Variants in OPCML observed in about 807,000 individuals in gnomAD.
OPCML encodes the protein opioid-binding protein/cell adhesion molecule.
Under a neutral mutation model 37.8 loss-of-function variants are expected in OPCML, and 13 were observed. The observed-to-expected ratio is 0.34, with a 90% CI of 0.22 to 0.55. The LOEUF (loss-of-function observed/expected upper bound fraction) is 0.55, where lower values mean the gene tolerates loss of function less well. Ranked by LOEUF, OPCML falls within the 20% of genes least tolerant of loss-of-function variation. The pLI, the probability that OPCML is intolerant of heterozygous loss-of-function variation, is 0.91. For missense variants in OPCML, 341 were observed against 435.6 expected (o/e 0.78, Z 1.93); for synonymous variants, 176 against 168.8 (o/e 1.04, Z -0.33).
chr11:132,668,097 TA>T (rs1321635519), intron 2 of OPCML, among the ~76,000 whole-genome samples: 1 of 152,262 alleles, frequency 6.6e-6, no homozygotes, highest in East Asian at 1.9e-4. Flanking sequence ...GAAGTCTTAA[TA>T]AAGTCCTTGA....
intron 1 of OPCML, among the ~76,000 whole-genome samples, chr11:133,490,015 G>A (rs543485271): frequency 3.3e-5 from 5 of 152,172 alleles, no homozygotes; most frequent in Non-Finnish European, 1.5e-5. Context: ...GACCATTATC[G>A]TAAATAAAAG....
chr11:133,194,192 TCCCCTTC>T (rs1162205609), intron 1 of OPCML, among the ~76,000 whole-genome samples: 2 of 146,214 alleles, frequency 1.4e-5, no homozygotes, highest in African/African-American at 2.5e-5. Flanking sequence ...CCCTTCCCTT[TCCCCTTC>T]CCCCACTTTT....
At chr11:133,471,261 T>C (rs11223481) in intron 1 of OPCML, among the ~76,000 whole-genome samples, 55,870 of 152,130 alleles carry the variant, frequency 0.37, 15,603 homozygotes, top group African/African-American at 0.79. Flanking sequence ...AGGAAGATTT[T>C]GGAGAAACAG....
chr11:132,946,788 G>A (rs1337255984), intron 1 of OPCML, among the ~76,000 whole-genome samples: 2 of 152,160 alleles, frequency 1.3e-5, no homozygotes, highest in African/African-American at 2.4e-5. Flanking sequence ...AACCTATTTT[G>A]GGATTTCCTA....
intron 1 of OPCML, among the ~76,000 whole-genome samples, chr11:133,232,713 G>T (rs1940331669): frequency 6.6e-6 from 1 of 152,056 alleles, no homozygotes; most frequent in Non-Finnish European, 1.5e-5. Context: ...TTACTTATTA[G>T]ATTATTTTGA....
At chr11:133,118,065 A>G (rs1949363914) in intron 1 of OPCML, 5 of 646,402 alleles carry the variant, frequency 7.7e-6, no homozygotes, top group Non-Finnish European at 9.6e-6. Context: ...ACTCTTCAGA[A>G]AGAAACATGC....
chr11:133,180,233 C>G (rs979509921), intron 1 of OPCML, among the ~76,000 whole-genome samples: 7 of 152,186 alleles, frequency 4.6e-5, no homozygotes, highest in Admixed American at 3.9e-4. Flanking sequence ...TCCTTCCTGC[C>G]GTAGCGGACC....
At chr11:133,071,766 A>G (rs1948541264) in intron 1 of OPCML, among the ~76,000 whole-genome samples, 1 of 151,902 alleles carries the variant, frequency 6.6e-6, no homozygotes, top group Non-Finnish European at 1.5e-5. Context: ...TTCTCCAAAA[A>G]CAAACAAACA....
At chr11:133,344,139 G>C (rs1943941910) in intron 1 of OPCML, among the ~76,000 whole-genome samples, 1 of 152,182 alleles carries the variant, frequency 6.6e-6, no homozygotes, top group African/African-American at 2.4e-5. Flanking sequence ...CGGGCAATCA[G>C]CGTGCTCCCT....
chr11:132,471,983 T>C (rs2096139423), intron 4 of OPCML, among the ~76,000 whole-genome samples: 1 of 152,152 alleles, frequency 6.6e-6, no homozygotes, highest in African/African-American at 2.4e-5. Context: ...GCAGCAGGCC[T>C]ACATCATGAA....
chr11:132,444,298 C>A (rs147438575), intron 4 of OPCML, among the ~76,000 whole-genome samples: 1 of 152,284 alleles, frequency 6.6e-6, no homozygotes, highest in Non-Finnish European at 1.5e-5. Flanking sequence ...CTCTAGAAAC[C>A]TGTGAGGGTT....
chr11:132,550,900 T>C (rs1460738906), intron 3 of OPCML, among the ~76,000 whole-genome samples: 1 of 152,226 alleles, frequency 6.6e-6, no homozygotes, highest in Admixed American at 6.5e-5. Context: ...TGCTACCTTC[T>C]AGTTAAAATT....
At chr11:133,220,509 G>T (rs1939770646) in intron 1 of OPCML, among the ~76,000 whole-genome samples, 1 of 152,162 alleles carries the variant, frequency 6.6e-6, no homozygotes, top group African/African-American at 2.4e-5. Context: ...TGGGGAGTCA[G>T]AGGTCAGAGG....
At chr11:133,283,930 A>G (rs1463518142) in intron 1 of OPCML, among the ~76,000 whole-genome samples, 2 of 151,776 alleles carry the variant, frequency 1.3e-5, no homozygotes, top group Non-Finnish European at 2.9e-5. Flanking sequence ...CTGGCCTGAC[A>G]CTCTCCTGGA....
intron 2 of OPCML, among the ~76,000 whole-genome samples, chr11:132,787,824 G>A (rs768933866): frequency 2.0e-4 from 30 of 152,046 alleles, no homozygotes; most frequent in Admixed American, 6.6e-5. Context: ...GCCCAAATTC[G>A]CTTTGTATTC....
intron 1 of OPCML, chr11:133,005,252 G>T (rs984752915): frequency 2.3e-5 from 23 of 985,154 alleles, no homozygotes; most frequent in Non-Finnish European, 2.8e-5. Flanking sequence ...GATTGATAGT[G>T]GAAAAAGTGC....
intron 2 of OPCML, among the ~76,000 whole-genome samples, chr11:132,853,050 T>C (rs774868455): frequency 6.6e-6 from 1 of 152,226 alleles, no homozygotes; most frequent in Non-Finnish European, 1.5e-5. Context: ...CAGAAATATC[T>C]GCATTTTTCA....
intron 2 of OPCML, among the ~76,000 whole-genome samples, chr11:132,715,359 G>T (rs1944432413): frequency 6.6e-6 from 1 of 152,172 alleles, no homozygotes; most frequent in Admixed American, 6.5e-5. Context: ...CAAATTGACA[G>T]TGTTCTTTAG....
At chr11:133,341,932 G>A (rs529101048) in intron 1 of OPCML, among the ~76,000 whole-genome samples, 1 of 151,108 alleles carries the variant, frequency 6.6e-6, no homozygotes, top group African/African-American at 2.4e-5. Context: ...AAAAAAAAAA[G>A]CCTTTGCAGC....
Sources: gnomAD v4.1 joint callset for allele counts (sites outside exome capture counted in the v4.1 genomes callset) on GRCh38, gnomAD v4.1.1 for gene constraint, MANE v1.5 for transcripts, NCBI Gene and HGNC (gene_info 2026-07-23, HGNC 2026-07-21) for gene names.